The following C6orf132 variants were observed in gnomAD, a reference collection of about 807,000 sequenced individuals.
The protein encoded by C6orf132 is chromosome 6 open reading frame 132, also known as uncharacterized protein C6orf132.
Under a neutral mutation model 65.3 loss-of-function variants are expected in C6orf132, and 43 were observed. The observed-to-expected ratio is 0.66, with a 90% CI of 0.52 to 0.85. The LOEUF is 0.85. C6orf132 is among the 40% of genes least tolerant of loss of function. The pLI is 0.00. For synonymous variants in C6orf132, 631 were observed against 654.1 expected, an observed-to-expected ratio of 0.96 and a Z score of 0.54; for missense variants, 1,488 against 1,548.8, an observed-to-expected ratio of 0.96 and a Z score of 0.66.
chr6:42,137,385 G>T (rs1766960797), intron 1 of C6orf132, among the ~76,000 whole-genome samples: 1 of 152,134 alleles, frequency 6.6e-6, no homozygotes, highest in African/African-American at 2.4e-5. Flanking sequence ...CACCTCCAGG[G>T]AACAGGAGTA....
chr6:42,113,831 AAAAG>A (rs1019659343), intron 2 of C6orf132, among the ~76,000 whole-genome samples: 71 of 150,066 alleles, frequency 4.7e-4, no homozygotes, highest in African/African-American at 1.4e-3. Context: ...GAAAAGAAAA[AAAAG>A]AAAGAAAAAA....
intron 1 of C6orf132, among the ~76,000 whole-genome samples, chr6:42,132,446 C>T (rs905027301): frequency 5.9e-5 from 9 of 151,706 alleles, no homozygotes; most frequent in South Asian, 4.2e-4. Context: ...ACCAGGGAGG[C>T]GGAGGTTGCA....
At chr6:42,123,427 GAGAAGGAGAAGGAGAAGAAGGAGA>G (rs747111370) in intron 2 of C6orf132, among the ~76,000 whole-genome samples, 44,076 of 144,092 alleles carry the variant, frequency 0.31, 7,465 homozygotes, top group African/African-American at 0.43. Context: ...AAGAAGAAAG[GAGAAGGAGAAGGAGAAGAAGGAGA>G]AGAAGGAGAA....
At chr6:42,128,251 G>A (rs1244854161) in intron 2 of C6orf132, among the ~76,000 whole-genome samples, 1 of 152,096 alleles carries the variant, frequency 6.6e-6, no homozygotes, top group East Asian at 1.9e-4. Flanking sequence ...AATATACCGG[G>A]TTAAGCAAAA....
rs772791884 is a variant in C6orf132, at chr6:42,105,343, C to T, written c.2569G>A (p.Ala857Thr). ...QRAQKGRSVG[A>T]ALGRSSLPGS... is the part of the protein sequence containing the mutation. ...GGCAGAGAGGACCGACCCAGGGCAGCCCCTACAGACCTTCCCTTCTGAGCC... is the reference window on the plus strand; with the variant it reads ...GGCAGAGAGGACCGACCCAGGGCAGTCCCTACAGACCTTCCCTTCTGAGCC... The change falls in exon 4 of 5, where the codon GCT becomes ACT. Residue 857 changes from alanine (A) to threonine (T), a missense_variant. By Grantham distance (58) the Ala-to-Thr change is moderately conservative (BLOSUM62 0). Coordinates refer to ENST00000341865, the MANE Select transcript of C6orf132 (RefSeq NM_001164446.3). 1 of 1,536,848 alleles carries T rather than the reference C, an allele frequency of 6.5e-7. No individual in the cohort carries two copies. Among genetic ancestry groups the T allele is most frequent in the South Asian group, 1.2e-5 (1 of 84,064 alleles).
At position 42,119,341 on chromosome 6, in the gene C6orf132, C is replaced by CTTTT. The variant is rs36124736; in HGVS notation, c.253-9054_253-9051dup. Among the ~76,000 whole-genome samples, 40 of 78,220 alleles carry CTTTT rather than the reference C, an allele frequency of 5.1e-4. 3 individuals are homozygous for CTTTT. Among genetic ancestry groups the CTTTT allele is most frequent in the African/African-American group, 7.6e-4 (14 of 18,308 alleles). 51.3% of individuals were successfully genotyped at this position (78,220 alleles called of 152,430 possible). On this transcript the variant is annotated intron_variant, in intron 2 of 4. Coordinates refer to ENST00000341865, the MANE Select transcript of C6orf132 (RefSeq NM_001164446.3). ...CAAGCCACCATGCCCAGCTTTCCAG[C>CTTTT]TTTTTTTTTTTTTTTTTTTTTGAGA...
intron 1 of C6orf132, among the ~76,000 whole-genome samples, chr6:42,131,992 T>C (rs1582283703): frequency 6.6e-6 from 1 of 151,352 alleles, no homozygotes; most frequent in Non-Finnish European, 1.5e-5. Context: ...GGAGCAGAGG[T>C]GGGGTGATGC....
intron 2 of C6orf132, chr6:42,126,315 A>C (rs12201988): frequency 2.0e-5 from 3 of 150,592 alleles, no homozygotes; most frequent in Non-Finnish European, 4.4e-5. Flanking sequence ...TCCTGACCTC[A>C]TGATCCACCC....
intron 1 of C6orf132, among the ~76,000 whole-genome samples, chr6:42,129,080 C>CAA (rs1262309061): frequency 3.9e-5 from 6 of 152,324 alleles, no homozygotes; most frequent in African/African-American, 1.4e-4. Flanking sequence ...TCTCCCACAG[C>CAA]AATGGTCCCT....
intron 2 of C6orf132, among the ~76,000 whole-genome samples, chr6:42,119,275 A>AAAAAAG (rs1562037439): frequency 3.1e-5 from 4 of 128,144 alleles, no homozygotes; most frequent in African/African-American, 1.1e-4. Context: ...AAAAAAAAAA[A>AAAAAAG]GGGAGAATTC....
Position 42,142,285 on chromosome 6 carries a change from C to T in C6orf132, c.145+15G>A. ...CCGTCCCCGCCCCAGCGCCCTCCGT[C>T]CCCGGAGTACTCACCGAAGCCCCCG... On this transcript the variant is annotated intron_variant, in intron 1 of 4. Coordinates refer to ENST00000341865, the MANE Select transcript of C6orf132 (RefSeq NM_001164446.3). 5 of 1,548,440 alleles carry T rather than the reference C, an allele frequency of 3.2e-6. No individual in the cohort carries two copies. The highest frequency in any genetic ancestry group is 4.4e-6 in the Non-Finnish European group (5 of 1,145,708).
At chr6:42,131,892 C>T (rs1218447807) in intron 1 of C6orf132, among the ~76,000 whole-genome samples, 2 of 152,206 alleles carry the variant, frequency 1.3e-5, no homozygotes, top group Non-Finnish European at 2.9e-5. Context: ...CCAGGTGGCT[C>T]CTCTCGCTAC....
At chr6:42,110,410 A>G in intron 2 of C6orf132, 119 bp from the exon 3 acceptor site, 1 of 716,384 alleles carries the variant, frequency 1.4e-6, no homozygotes, top group Non-Finnish European at 2.3e-6. Flanking sequence ...ATGGTTGCAT[A>G]ACCTTGTGCA....
rs556142891 is a variant in C6orf132, at chr6:42,117,923, CAAAAA to C, written c.253-7637_253-7633del. On this transcript the variant is annotated intron_variant, in intron 2 of 4. Transcript: ENST00000341865. Reference sequence around the variant, plus strand: ...TGAGTGACAGAGCAAAACCCTGTCACAAAAAAAAAAAAAAAAAAAAAAAAAAAGAA... The same window carrying C: ...TGAGTGACAGAGCAAAACCCTGTCACAAAAAAAAAAAAAAAAAAAAAAGAA... Among the ~76,000 whole-genome samples the C allele has an allele frequency of 6.3e-3, 395 of 62,350 alleles. 3 individuals are homozygous for C. Among genetic ancestry groups the C allele is most frequent in the African/African-American group, 0.019 (318 of 16,762 alleles). 40.9% of individuals were successfully genotyped at this position (62,350 alleles called of 152,430 possible).
chr6:42,105,490 C>G lies in C6orf132; in HGVS notation c.2422G>C (p.Gly808Arg). The G allele has an allele frequency of 6.5e-7, 1 of 1,533,412 alleles. No homozygotes were observed. The highest frequency in any genetic ancestry group is 8.7e-7 in the Non-Finnish European group (1 of 1,144,922). The allele number at this position is 1,533,412 out of a possible 1,614,324, so 95.0% of individuals were successfully genotyped here. The change falls in exon 4 of 5, where the codon GGG becomes CGG. Residue 808 changes from glycine to arginine, a missense_variant. Transcript: ENST00000341865. Reference protein sequence around the residue: ...GEPVEVKEPPGLPAKPPASAQ... With the variant: ...GEPVEVKEPPRLPAKPPASAQ... ...GAGGCAGGAGGCTTGGCTGGCAGCC[C>G]TGGGGGCTCCTTCACCTCCACGGGC...
intron 1 of C6orf132, among the ~76,000 whole-genome samples, chr6:42,136,175 A>G (rs1045486249): frequency 2.9e-5 from 4 of 138,366 alleles, no homozygotes; most frequent in Non-Finnish European, 6.4e-5. Context: ...AAAAAAAAAA[A>G]GAAAGTTGGT....
intron 1 of C6orf132, among the ~76,000 whole-genome samples, chr6:42,135,164 C>T (rs1261488656): frequency 2.0e-5 from 3 of 152,186 alleles, no homozygotes; most frequent in African/African-American, 4.8e-5. Context: ...GGAGAGCCAC[C>T]GGGAGGCAGG....
chr6:42,108,937 C>T (rs190598279), intron 3 of C6orf132, among the ~76,000 whole-genome samples: 1 of 152,120 alleles, frequency 6.6e-6, no homozygotes, highest in Non-Finnish European at 1.5e-5. Context: ...ACTGAGCACC[C>T]AACTGTCAGG....
intron 1 of C6orf132, among the ~76,000 whole-genome samples, chr6:42,129,776 T>C (rs529587309): frequency 6.6e-6 from 1 of 152,342 alleles, no homozygotes; most frequent in Admixed American, 6.5e-5. Flanking sequence ...TTCTTCCATT[T>C]AACGAAGTGT....
Sources: gnomAD v4.1 joint callset for allele counts (sites outside exome capture counted in the v4.1 genomes callset) on GRCh38, gnomAD v4.1.1 for gene constraint, MANE v1.5 for transcripts, NCBI Gene and HGNC (gene_info 2026-07-23, HGNC 2026-07-21) for gene names.